The following CCDC102B variants were observed in gnomAD, a reference collection of about 807,000 sequenced individuals.
CCDC102B encodes the protein coiled-coil domain-containing protein 102B.
CCDC102B carries 75 observed loss-of-function variants against 57.4 expected under a neutral mutation model. The observed-to-expected ratio is 1.31, with a 90% CI of 1.08 to 1.58. The LOEUF (loss-of-function observed/expected upper bound fraction) is 1.58, where lower values mean the gene tolerates loss of function less well. Ranked by LOEUF, CCDC102B falls within the 40% of genes most tolerant of loss-of-function variation. The probability of loss-of-function intolerance (pLI) is 0.00; values close to 1 mark genes in which losing one functional copy is unlikely to be tolerated. For synonymous variants in CCDC102B, 206 were observed against 201.9 expected, an observed-to-expected ratio of 1.02 and a Z score of -0.17; for missense variants, 636 against 582.6, an observed-to-expected ratio of 1.09 and a Z score of -0.94.
At chr18:68,992,782 C>T (rs2050907940) in intron 6 of CCDC102B, 1 of 160,050 alleles carries the variant, frequency 6.2e-6, no homozygotes, top group Non-Finnish European at 1.4e-5. Context: ...ATGTGTCAAC[C>T]CAGGAGGAAC....
intron 6 of CCDC102B, among the ~76,000 whole-genome samples, chr18:68,968,827 A>G (rs529665916): frequency 2.0e-5 from 3 of 152,094 alleles, no homozygotes; most frequent in South Asian, 2.1e-4. Context: ...TTTACTTAGC[A>G]TAATGTCTTC....
Position 68,874,757 on chromosome 18 carries a change from A to G in CCDC102B, c.1025A>G (p.Asp342Gly), listed in dbSNP as rs1397020859. ...GAATCCAAATCTCAAAACAGCAAAG[A>G]CAGAGTGATTTGTGAGTTAAGAGCA... ...KEESKSQNSK[D>G]RVICELRAEL... The change falls in exon 5 of 8, where the codon GAC becomes GGC. Residue 342 changes from aspartate (D) to glycine (G), a missense_variant. Physicochemically the swap from Asp to Gly is moderately conservative, Grantham distance 94. Transcript: ENST00000360242. 1.2e-6 allele frequency: 2 copies of G among 1,610,124 alleles called. No homozygotes were observed. Among genetic ancestry groups the G allele is most frequent in the South Asian group, 2.2e-5 (2 of 90,958 alleles).
intron 6 of CCDC102B, among the ~76,000 whole-genome samples, chr18:68,916,605 T>A (rs183863793): frequency 1.0e-3 from 152 of 152,298 alleles, no homozygotes; most frequent in African/African-American, 3.6e-3. Context: ...TGTTGAGATG[T>A]GTTTGAGGCA....
intron 2 of CCDC102B, among the ~76,000 whole-genome samples, chr18:68,728,100 A>C (rs1029350179): frequency 6.6e-6 from 1 of 152,210 alleles, no homozygotes; most frequent in East Asian, 1.9e-4. Context: ...ATATGGGTCT[A>C]TGAAATGAGT....
intron 6 of CCDC102B, among the ~76,000 whole-genome samples, chr18:68,990,155 C>T (rs944849307): frequency 6.6e-6 from 1 of 152,202 alleles, no homozygotes; most frequent in African/African-American, 2.4e-5. Flanking sequence ...GTCACTGAGG[C>T]ACCACTCTGT....
At chr18:69,048,787 C>A (rs73457728) in intron 7 of CCDC102B, among the ~76,000 whole-genome samples, 3,043 of 152,018 alleles carry the variant, frequency 0.02, 100 homozygotes, top group African/African-American at 0.068. Context: ...TAACATTTAA[C>A]TTGATTTCAC....
At chr18:68,937,921 T>C (rs2049286391) in intron 6 of CCDC102B, among the ~76,000 whole-genome samples, 1 of 152,084 alleles carries the variant, frequency 6.6e-6, no homozygotes, top group African/African-American at 2.4e-5. Context: ...TCCATGTCTC[T>C]GGAAAGGACA....
intron 7 of CCDC102B, among the ~76,000 whole-genome samples, chr18:69,021,362 AAAAAG>A (rs1385732143): frequency 1.2e-4 from 19 of 152,348 alleles, no homozygotes; most frequent in African/African-American, 4.3e-4. Context: ...AGGTAAGATT[AAAAAG>A]AAATCAGAAA....
chr18:68,842,891 A>G (rs1346908443), intron 3 of CCDC102B, among the ~76,000 whole-genome samples: 1 of 152,146 alleles, frequency 6.6e-6, no homozygotes, highest in Non-Finnish European at 1.5e-5. Flanking sequence ...CCAGACACAT[A>G]TTACCAGGAG....
intron 5 of CCDC102B, among the ~76,000 whole-genome samples, chr18:68,879,003 T>G (rs140338491): frequency 0.011 from 1,608 of 152,222 alleles, 35 homozygotes; most frequent in East Asian, 0.08. Context: ...TGTTCGGAGT[T>G]TCTTCCTTCT....
At chr18:69,011,507 G>A (rs903173383) in intron 7 of CCDC102B, among the ~76,000 whole-genome samples, 1 of 151,374 alleles carries the variant, frequency 6.6e-6, no homozygotes, top group Non-Finnish European at 1.5e-5. Context: ...GTTCTTTAGT[G>A]TTCAAATGAA....
intron 6 of CCDC102B, among the ~76,000 whole-genome samples, chr18:68,945,060 CTGTCTG>C (rs1459514673): frequency 1.1e-4 from 16 of 147,454 alleles, no homozygotes; most frequent in Admixed American, 1.4e-4. Flanking sequence ...TGGTGTGTCT[CTGTCTG>C]TGTGTGTGTG....
chr18:68,907,281 A>C (rs1434335033), intron 6 of CCDC102B, among the ~76,000 whole-genome samples: 4 of 152,126 alleles, frequency 2.6e-5, no homozygotes, highest in Non-Finnish European at 2.9e-5. Flanking sequence ...TTGGATATTC[A>C]AAGCCTCCTG....
chr18:68,794,859 C>T (rs2035576342), upstream of CCDC102B, among the ~76,000 whole-genome samples: 1 of 151,944 alleles, frequency 6.6e-6, no homozygotes, highest in Admixed American at 6.6e-5. Context: ...ATTTGTGAGG[C>T]AGACTTGGCA....
intron 1 of CCDC102B, among the ~76,000 whole-genome samples, chr18:68,811,565 A>G (rs535155035): frequency 6.6e-6 from 1 of 152,314 alleles, no homozygotes; most frequent in African/African-American, 2.4e-5. Context: ...CAGTGAGCCA[A>G]GTTCTTGTCA....
At chr18:68,730,526 C>T (rs959105515) in intron 2 of CCDC102B, among the ~76,000 whole-genome samples, 7 of 152,148 alleles carry the variant, frequency 4.6e-5, no homozygotes, top group Admixed American at 2.6e-4. Flanking sequence ...GTGTGACCCA[C>T]TCATGTAATA....
chr18:68,891,144 A>G (rs983864626), intron 5 of CCDC102B, among the ~76,000 whole-genome samples: 8 of 152,194 alleles, frequency 5.3e-5, no homozygotes, highest in African/African-American at 1.7e-4. Flanking sequence ...TAAAATATAT[A>G]TAACATTCTC....
intron 5 of CCDC102B, among the ~76,000 whole-genome samples, chr18:68,878,334 A>G (rs1291567289): frequency 6.6e-6 from 1 of 152,088 alleles, no homozygotes; most frequent in Non-Finnish European, 1.5e-5. Context: ...CCTAAGCTAA[A>G]TGATCCACTC....
intron 2 of CCDC102B, among the ~76,000 whole-genome samples, chr18:68,758,868 C>T (rs918107059): frequency 3.4e-5 from 5 of 146,582 alleles, no homozygotes; most frequent in Non-Finnish European, 7.5e-5. Flanking sequence ...AAGAAATGAG[C>T]AAAACAAACT....
Sources: allele counts gnomAD v4.1 joint callset (sites outside exome capture counted in the v4.1 genomes callset), GRCh38; gene constraint gnomAD v4.1.1; transcripts MANE v1.5; gene names NCBI Gene and HGNC (gene_info 2026-07-23, HGNC 2026-07-21).